Variants in CFTR observed in about 807,000 individuals in gnomAD.
The protein encoded by CFTR is CF transmembrane conductance regulator.
A neutral mutation model predicts 171.6 loss-of-function variants in CFTR; 181 were observed. The ratio of observed to expected loss-of-function variants is 1.05; its 90% CI spans 0.93 to 1.19. CFTR has a LOEUF of 1.19. Ranked by LOEUF, CFTR falls within the 50% of genes most tolerant of loss-of-function variation. The pLI, the probability that CFTR is intolerant of heterozygous loss-of-function variation, is 0.00. For synonymous variants in CFTR, 583 were observed against 608.0 expected (o/e 0.96, Z 0.60); for missense variants, 1,968 against 1,734.7 (o/e 1.13, Z -2.39).
Position 117,667,300 on chromosome 7 carries a change from C to T in CFTR, c.*192C>T, listed in dbSNP as rs946049862. Reference sequence around the variant, plus strand: ...CACTGATATGGGTCTTGATAAATGGCTTCCTGGCAATAGTCAAATTGTGTG... The same window carrying T: ...CACTGATATGGGTCTTGATAAATGGTTTCCTGGCAATAGTCAAATTGTGTG... On this transcript the variant is annotated 3_prime_UTR_variant, in exon 27 of 27. Transcript: ENST00000003084. 1.5e-5 allele frequency: 9 copies of T among 607,060 alleles called. No individual in the cohort carries two copies. The highest frequency in any genetic ancestry group is 2.6e-5 in the Admixed American group (1 of 39,070). The allele number at this position is 607,060 out of a possible 1,614,324, so 37.6% of individuals were successfully genotyped here.
intron 1 of CFTR, among the ~76,000 whole-genome samples, chr7:117,503,137 G>T (rs1353836986): frequency 1.3e-5 from 2 of 152,142 alleles, no homozygotes; most frequent in Non-Finnish European, 2.9e-5. Flanking sequence ...GAATGGCTTT[G>T]CTAGAATATC....
chr7:117,523,792 G>C (rs1300521954), intron 3 of CFTR, among the ~76,000 whole-genome samples: 1 of 152,166 alleles, frequency 6.6e-6, no homozygotes, highest in African/African-American at 2.4e-5. Context: ...TTGTGGTAGG[G>C]AAAAGTCTAT....
chr7:117,656,211 C>T (rs192710949), intron 24 of CFTR, among the ~76,000 whole-genome samples: 1 of 152,276 alleles, frequency 6.6e-6, no homozygotes, highest in East Asian at 1.9e-4. Context: ...CTCATCTACT[C>T]CCTATCTGAG....
chr7:117,612,023 GTATA>G (rs772661286), intron 20 of CFTR, among the ~76,000 whole-genome samples: 1,108 of 53,174 alleles, frequency 0.021, 25 homozygotes, highest in African/African-American at 0.051. Context: ...ATATATATAT[GTATA>G]TATATATATA....
chr7:117,539,335 T>C (rs546206593), intron 7 of CFTR, among the ~76,000 whole-genome samples: 1 of 152,326 alleles, frequency 6.6e-6, no homozygotes, highest in Admixed American at 6.5e-5. Flanking sequence ...CAAATAATTA[T>C]ATTGAAATGA....
In CFTR at chr7:117,566,477, T is replaced by A. The variant is rs150255457; in HGVS notation, c.1584+6822T>A. Among the ~76,000 whole-genome samples the A allele has an allele frequency of 3.8e-4, 57 of 151,938 alleles. 1 individual carries two copies. In the East Asian group the frequency reaches 0.01, roughly 27 times the overall value. ...TATATTTGAAACACATTGAATTATG[T>A]CCCTTAAACAAGAATAAACATCACT... On this transcript the variant is annotated intron_variant, in intron 11 of 26. Coordinates refer to ENST00000003084, the MANE Select transcript of CFTR (RefSeq NM_000492.4).
chr7:117,491,265 T>A (rs981811836), intron 1 of CFTR, among the ~76,000 whole-genome samples: 7 of 152,074 alleles, frequency 4.6e-5, no homozygotes, highest in Non-Finnish European at 7.4e-5. Context: ...GTATATGCAG[T>A]CTGCTGTAGA....
chr7:117,512,612 T>G, intron 3 of CFTR, among the ~76,000 whole-genome samples: 1 of 120,972 alleles, frequency 8.3e-6, no homozygotes, highest in East Asian at 2.4e-4. Context: ...CCAGCCTGGG[T>G]GACAGAGCGA....
intron 8 of CFTR, among the ~76,000 whole-genome samples, chr7:117,541,284 T>C (rs1299064314): frequency 1.3e-5 from 2 of 152,050 alleles, no homozygotes; most frequent in Non-Finnish European, 2.9e-5. Flanking sequence ...GAAACAGATC[T>C]GGGGAGAGTC....
chr7:117,620,827 C>G (rs1228721820), intron 21 of CFTR, among the ~76,000 whole-genome samples: 1 of 152,146 alleles, frequency 6.6e-6, no homozygotes, highest in Non-Finnish European at 1.5e-5. Context: ...CACAGAGTAG[C>G]CAGGTGCGGT....
intron 1 of CFTR, among the ~76,000 whole-genome samples, chr7:117,499,122 A>T (rs1313084371): frequency 1.3e-5 from 2 of 152,160 alleles, no homozygotes; most frequent in African/African-American, 4.8e-5. Context: ...TGTTAAATAC[A>T]TGGAAGCATG....
chr7:117,642,660 G>A lies in CFTR; in HGVS notation c.3873+67G>A, dbSNP rs557037274. ...TATTTTTTACTGCTATTTGATACTTGTACTCAAGAAATTCATATTACTCTG... is the reference window on the plus strand; with the variant it reads ...TATTTTTTACTGCTATTTGATACTTATACTCAAGAAATTCATATTACTCTG... On this transcript the variant is annotated intron_variant, in intron 23 of 26. Coordinates refer to ENST00000003084, the MANE Select transcript of CFTR (RefSeq NM_000492.4). 7.3e-6 allele frequency: 11 copies of A among 1,509,682 alleles called. No homozygotes were observed. The East Asian group carries it at 2.1e-4, about 29-fold the overall frequency. The allele number at this position is 1,509,682 out of a possible 1,614,324, so 93.5% of individuals were successfully genotyped here.
At chr7:117,611,514 A>G in intron 19 of CFTR, 67 bp from the exon 20 acceptor site, 1 of 971,772 alleles carries the variant, frequency 1.0e-6, no homozygotes, top group South Asian at 1.4e-5. Flanking sequence ...TTTCAGGTAC[A>G]AGATATTATG....
chr7:117,610,687 C>T lies in CFTR; in HGVS notation c.3139+18C>T, dbSNP rs147945812. On this transcript the variant is annotated intron_variant, in intron 19 of 26. Coordinates refer to ENST00000003084, the MANE Select transcript of CFTR (RefSeq NM_000492.4). ...ATCTGAAGGTATGACAGTGAATGTG[C>T]GATACTCATCTTGTAAAAAAGCTAT... is the stretch of plus-strand genomic sequence containing the variant. 1.5e-3 allele frequency: 2,341 copies of T among 1,611,608 alleles called. 4 individuals carry two copies. Among genetic ancestry groups the T allele is most frequent in the Non-Finnish European group, 1.5e-3 (1,797 of 1,178,346 alleles).
chr7:117,626,312 C>T (rs891962485), intron 21 of CFTR, among the ~76,000 whole-genome samples: 1 of 152,090 alleles, frequency 6.6e-6, no homozygotes, highest in Non-Finnish European at 1.5e-5. Flanking sequence ...AGAATTGTTC[C>T]CATTTCACCT....
intron 11 of CFTR, among the ~76,000 whole-genome samples, chr7:117,570,542 A>G (rs1027116063): frequency 6.6e-6 from 1 of 152,202 alleles, no homozygotes; most frequent in African/African-American, 2.4e-5. Context: ...AAATATTGTT[A>G]TTCACATTTT....
At chr7:117,630,844 A>G (rs868706137) in intron 22 of CFTR, among the ~76,000 whole-genome samples, 3 of 152,186 alleles carry the variant, frequency 2.0e-5, no homozygotes, top group Middle Eastern at 3.4e-3. Flanking sequence ...TGGCTGTCTC[A>G]GTGGGTGGGA....
At position 117,665,308 on chromosome 7, in the gene CFTR, A is replaced by C. The variant is rs927574302; in HGVS notation, c.4137-151A>C. On this transcript the variant is annotated intron_variant, in intron 25 of 26. Transcript: ENST00000003084. ...AGTCTACCCCATGGTTGAAAAGCTG[A>C]TTGTGGCTAACGCTATATCAACATT... is the stretch of plus-strand genomic sequence containing the variant. The C allele has an allele frequency of 6.5e-6, 4 of 612,130 alleles. No individual in the cohort carries two copies. In the African/African-American group the frequency reaches 7.4e-5, roughly 11 times the overall value. The allele number at this position is 612,130 out of a possible 1,614,324, so 37.9% of individuals were successfully genotyped here.
Position 117,559,664 on chromosome 7 carries a change from CTA to C in CFTR, c.1584+11_1584+12del. On this transcript the variant is annotated intron_variant, in intron 11 of 26. Coordinates refer to ENST00000003084, the MANE Select transcript of CFTR (RefSeq NM_000492.4). The stretch of plus-strand genomic sequence containing the variant: ...CATGCCAACTAGAAGAGGTAAGAAA[CTA>C]TGTGAAAACTTTTTGATTATGCATA... 1 of 1,607,316 alleles carries C rather than the reference CTA, an allele frequency of 6.2e-7. No individual in the cohort carries two copies. The highest frequency in any genetic ancestry group is 8.5e-7 in the Non-Finnish European group (1 of 1,174,640).
Sources: gnomAD v4.1 joint callset for allele counts (sites outside exome capture counted in the v4.1 genomes callset) on GRCh38, gnomAD v4.1.1 for gene constraint, MANE v1.5 for transcripts, NCBI Gene and HGNC (gene_info 2026-07-23, HGNC 2026-07-21) for gene names.